KDM4A: variants seen among roughly 807,000 people sequenced by gnomAD.
KDM4A encodes lysine-specific demethylase 4A.
In KDM4A, 23 loss-of-function variants were observed where a neutral mutation model predicts 127.1. The ratio of observed to expected loss-of-function variants is 0.18; its 90% confidence interval spans 0.13 to 0.26. KDM4A has a LOEUF of 0.26. Among genes scored for constraint, KDM4A ranks in the 10% least tolerant of loss-of-function variants. KDM4A has a pLI of 1.00. For missense variants in KDM4A, 890 were observed against 1,329.1 expected, an observed-to-expected ratio of 0.67 and a Z score of 5.14; for synonymous variants, 443 against 466.5, an observed-to-expected ratio of 0.95 and a Z score of 0.65.
chr1:43,651,302 T>C (rs1242759364), intron 1 of KDM4A, among the ~76,000 whole-genome samples: 1 of 152,228 alleles, frequency 6.6e-6, no homozygotes, highest in African/African-American at 2.4e-5. Context: ...GATGAGTATG[T>C]AAGCAGTATA....
chr1:43,703,536 C>T, intron 19 of KDM4A, 81 bp from the exon 20 acceptor site: 1 of 1,547,284 alleles, frequency 6.5e-7, no homozygotes, highest in African/African-American at 1.4e-5. Flanking sequence ...TGTCCTGGTT[C>T]ACTCTTCCCT....
At chr1:43,698,040 C>A (rs749588420) in intron 19 of KDM4A, 27 bp downstream of exon 19, 4 of 1,604,888 alleles carry the variant, frequency 2.5e-6, no homozygotes, top group Non-Finnish European at 3.4e-6. Context: ...GCTTCTCAGG[C>A]AGTTTGGAAT....
intron 3 of KDM4A, among the ~76,000 whole-genome samples, chr1:43,657,839 C>T (rs1338066278): frequency 6.7e-5 from 10 of 149,748 alleles, no homozygotes; most frequent in Non-Finnish European, 1.5e-4. Context: ...CAGCCTCCGC[C>T]TCCCAGGTTC....
chr1:43,682,441 G>T (rs1384680239), intron 11 of KDM4A, among the ~76,000 whole-genome samples: 1 of 152,178 alleles, frequency 6.6e-6, no homozygotes. Flanking sequence ...CTATGGTCAT[G>T]TAAGTCTTCA....
At chr1:43,686,489 A>G (rs1185270023) in intron 12 of KDM4A, among the ~76,000 whole-genome samples, 2 of 151,900 alleles carry the variant, frequency 1.3e-5, no homozygotes, top group African/African-American at 4.8e-5. Flanking sequence ...GGTGTGTGCT[A>G]CGACGCCCAG....
In KDM4A at chr1:43,694,466, ATAT is replaced by A. The variant is rs1661192896; in HGVS notation, c.2485-241_2485-239del. On this transcript the variant is annotated intron_variant, in intron 17 of 21. Coordinates refer to ENST00000372396, the MANE Select transcript of KDM4A (RefSeq NM_014663.3). The surrounding 1 kb of genome is among the most constrained non-coding windows in gnomAD (Gnocchi z 5.2). The stretch of plus-strand genomic sequence containing the variant: ...GGGAGGCGGAGGTTGCAGTGAGCCG[ATAT>A]TGTGTCACTGCACTCCAGCCTGGGT... Among the ~76,000 whole-genome samples the A allele has an allele frequency of 6.6e-6, 1 of 150,466 alleles. No homozygotes were observed. The highest frequency in any genetic ancestry group is 2.5e-5 in the African/African-American group (1 of 40,720).
At chr1:43,675,317 C>T (rs190312516) in intron 11 of KDM4A, among the ~76,000 whole-genome samples, 31 of 152,298 alleles carry the variant, frequency 2.0e-4, no homozygotes, top group African/African-American at 7.5e-4. Flanking sequence ...AGCTCACAGT[C>T]TAGGATAGAT....
intron 2 of KDM4A, chr1:43,653,898 G>A (rs1372630395): frequency 1.3e-5 from 2 of 152,212 alleles, no homozygotes; most frequent in Non-Finnish European, 2.9e-5. Context: ...TGCATTTCTG[G>A]AGAGATCCTC....
At chr1:43,670,403 A>C (rs1042232213) in intron 10 of KDM4A, among the ~76,000 whole-genome samples, 1 of 151,940 alleles carries the variant, frequency 6.6e-6, no homozygotes, top group African/African-American at 2.4e-5. Flanking sequence ...GTACAACATA[A>C]TTTTTTTGTT....
At chr1:43,670,163 G>C (rs893820862) in intron 10 of KDM4A, among the ~76,000 whole-genome samples, 2 of 152,148 alleles carry the variant, frequency 1.3e-5, no homozygotes, top group Non-Finnish European at 2.9e-5. Context: ...GGTGTGATCA[G>C]TGCTGTTTAG....
intron 12 of KDM4A, among the ~76,000 whole-genome samples, chr1:43,684,785 G>T (rs1008196776): frequency 1.3e-5 from 2 of 152,204 alleles, no homozygotes; most frequent in African/African-American, 4.8e-5. Flanking sequence ...AGAAAAGATC[G>T]CTCCTAGTGC....
Position 43,693,374 on chromosome 1 carries a change from G to T in KDM4A, c.2376-620G>T, listed in dbSNP as rs917770339. ...GGTTTTAAGAGTTGTCACCATTTTCGTTCTTCTCCTCTTGATGCATGCTGG... is the reference window on the plus strand; with the variant it reads ...GGTTTTAAGAGTTGTCACCATTTTCTTTCTTCTCCTCTTGATGCATGCTGG... On this transcript the variant is annotated intron_variant, in intron 16 of 21. Coordinates refer to ENST00000372396, the MANE Select transcript of KDM4A (RefSeq NM_014663.3). This position sits in a 1 kb window ranked among gnomAD's most constrained non-coding sequence, Gnocchi z 4.2. Among the ~76,000 whole-genome samples the T allele has an allele frequency of 2.6e-5, 4 of 152,174 alleles. No homozygotes were observed. In the South Asian group the frequency reaches 6.2e-4, roughly 24 times the overall value.
chr1:43,696,156 T>C (rs1257776151), intron 18 of KDM4A, among the ~76,000 whole-genome samples: 1 of 151,906 alleles, frequency 6.6e-6, no homozygotes, highest in East Asian at 1.9e-4. Flanking sequence ...CATGAACCAG[T>C]GAAAGCAGTT....
chr1:43,695,313 T>C (rs1417569293), intron 18 of KDM4A, among the ~76,000 whole-genome samples: 1 of 152,208 alleles, frequency 6.6e-6, no homozygotes, highest in Non-Finnish European at 1.5e-5. Flanking sequence ...GTTCTCTTAA[T>C]GGTAAAGCTT....
chr1:43,661,102 G>A (rs1660365074), intron 4 of KDM4A, among the ~76,000 whole-genome samples: 1 of 151,868 alleles, frequency 6.6e-6, no homozygotes, highest in African/African-American at 2.4e-5. Context: ...AGCCACCTGA[G>A]TAGCTGGGAT....
intron 5 of KDM4A, among the ~76,000 whole-genome samples, chr1:43,664,848 G>T (rs1660464659): frequency 6.6e-6 from 1 of 152,186 alleles, no homozygotes; most frequent in African/African-American, 2.4e-5. Context: ...GTCCTCTGAA[G>T]TGGGACCTCC....
At chr1:43,685,438 A>C (rs1570857380) in intron 12 of KDM4A, among the ~76,000 whole-genome samples, 1 of 149,544 alleles carries the variant, frequency 6.7e-6, no homozygotes, top group African/African-American at 2.5e-5. Flanking sequence ...ATCTGATGTC[A>C]GTGCCCCATC....
chr1:43,694,860 T>C lies in KDM4A; in HGVS notation c.2636T>C (p.Ile879Thr), dbSNP rs771841360. The C allele has an allele frequency of 1.2e-6, 2 of 1,605,172 alleles. No homozygotes were observed. Among genetic ancestry groups the C allele is most frequent in the Middle Eastern group, 1.7e-4 (1 of 6,022 alleles). Residue 879 changes from isoleucine (I) to threonine (T), a missense_variant, in exon 18 of 22, where the codon ATT becomes ACT. This residue lies in a region of KDM4A where 246 missense variants were observed against 418.4 expected (regional missense o/e 0.59). Coordinates refer to ENST00000372396, the MANE Select transcript of KDM4A (RefSeq NM_014663.3). The surrounding 1 kb of genome is among the most constrained non-coding windows in gnomAD (Gnocchi z 5.2). ...GACGACTGGCCTTTTGTGGTCTTCA[T>C]TACCTGCTTTCGGCACAAGATTCCT... ...QPDDWPFVVF[I>T]TCFRHKIPNL...
Position 43,694,919 on chromosome 1 carries a change from T to A in KDM4A, c.2670+25T>A. ...GGTGAGAGAGGGTGTCATTCTAGAA[T>A]CCTCTTGACAGTTTTCATGGTCATT... On this transcript the variant is annotated intron_variant, in intron 18 of 21. Coordinates refer to ENST00000372396, the MANE Select transcript of KDM4A (RefSeq NM_014663.3). The surrounding 1 kb of genome is among the most constrained non-coding windows in gnomAD (Gnocchi z 5.2). The A allele has an allele frequency of 1.3e-6, 2 of 1,571,326 alleles. No homozygotes were observed. Among genetic ancestry groups the A allele is most frequent in the Non-Finnish European group, 1.7e-6 (2 of 1,149,864 alleles).
Sources: gnomAD v4.1 joint callset for allele counts (sites outside exome capture counted in the v4.1 genomes callset) on GRCh38, gnomAD v4.1.1 for gene constraint, gnomAD v4.1.1 regional missense constraint, Gnocchi (gnomAD v3.1) non-coding constraint, MANE v1.5 for transcripts, NCBI Gene and HGNC (gene_info 2026-07-23, HGNC 2026-07-21) for gene names.